BAZ1A: variants seen among roughly 807,000 people sequenced by gnomAD.
BAZ1A encodes bromodomain adjacent to zinc finger domain 1A, also known as bromodomain adjacent to zinc finger domain protein 1A.
BAZ1A carries 50 observed loss-of-function variants against 185.2 expected under a neutral mutation model. The ratio of observed to expected loss-of-function variants is 0.27; its 90% CI spans 0.22 to 0.34. The LOEUF is 0.34. Among genes scored for constraint, BAZ1A ranks in the 10% least tolerant of loss-of-function variants. The pLI, the probability that BAZ1A is intolerant of heterozygous loss-of-function variation, is 1.00. For synonymous variants in BAZ1A, 571 were observed against 615.6 expected, an observed-to-expected ratio of 0.93 and a Z score of 1.07; for missense variants, 1,356 against 1,839.9, an observed-to-expected ratio of 0.74 and a Z score of 4.81.
Position 34,874,710 on chromosome 14 carries a change from G to A in BAZ1A, c.-58-48C>T, listed in dbSNP as rs1325197479. ...AAAGCCGGTAAGGTGGGGAGCCCTC[G>A]GCGGCAGCGTGGGCCGGTCCGCGCG... On this transcript the variant is annotated intron_variant, in intron 1 of 26. Transcript: ENST00000360310. The surrounding 1 kb of genome is among the most constrained non-coding windows in gnomAD (Gnocchi z 4.7). 51 of 950,994 alleles carry A rather than the reference G, an allele frequency of 5.4e-5. No individual in the cohort carries two copies. The highest frequency in any genetic ancestry group is 7.0e-5 in the Non-Finnish European group (46 of 656,194). 58.9% of individuals were successfully genotyped at this position (950,994 alleles called of 1,614,324 possible).
intron 2 of BAZ1A, among the ~76,000 whole-genome samples, chr14:34,865,687 A>G (rs1466151481): frequency 1.3e-5 from 2 of 152,222 alleles, no homozygotes; most frequent in Non-Finnish European, 2.9e-5. Flanking sequence ...CTCTTAATTC[A>G]GTACAAAGAA....
chr14:34,776,527 A>G lies in BAZ1A; in HGVS notation c.2237-12T>C. 1 of 1,523,692 alleles carries G rather than the reference A, an allele frequency of 6.6e-7. No homozygotes were observed. Among genetic ancestry groups the G allele is most frequent in the Non-Finnish European group, 8.9e-7 (1 of 1,127,570 alleles). The allele number at this position is 1,523,692 out of a possible 1,614,324, so 94.4% of individuals were successfully genotyped here. A position where few individuals can be genotyped will look rare whatever the true frequency, so the allele number is the denominator to read the frequency against. ...TTGTCCTCTTTTCCCTGTAATTAAA[A>G]TAAAATGTTTCATCATCATCATATT... On this transcript the variant is annotated splice_polypyrimidine_tract_variant and intron_variant, in intron 17 of 26. Transcript: ENST00000360310.
rs1241971755 is a variant in BAZ1A, at chr14:34,856,773, G to A, written c.392+5271C>T. Among the ~76,000 whole-genome samples, 10 of 149,054 alleles carry A rather than the reference G, an allele frequency of 6.7e-5. No homozygotes were observed. In the East Asian group the frequency reaches 1.6e-3, roughly 25 times the overall value. On this transcript the variant is annotated intron_variant, in intron 3 of 26. Coordinates refer to ENST00000360310, the MANE Select transcript of BAZ1A (RefSeq NM_013448.3). ...CTCGGGAGGGTGAGGCAGGAGAATC[G>A]CCTGAACTCGGGAGGCAGAGGTTGC...
Position 34,784,255 on chromosome 14 carries a change from C to T in BAZ1A, c.1832-328G>A, listed in dbSNP as rs1227124182. 2.0e-5 allele frequency among the ~76,000 whole-genome samples: 3 copies of T among 148,912 alleles called. No individual in the cohort carries two copies. The East Asian group carries it at 6.3e-4, about 31-fold the overall frequency. ...TGGTGGTATGTGCCTGTAGTCCCAG[C>T]TGCTTGGGAGGCTGAGGTTGGAGAA... On this transcript the variant is annotated intron_variant, in intron 14 of 26. Coordinates refer to ENST00000360310, the MANE Select transcript of BAZ1A (RefSeq NM_013448.3).
intron 12 of BAZ1A, among the ~76,000 whole-genome samples, chr14:34,790,067 C>T (rs923006281): frequency 2.0e-5 from 3 of 151,926 alleles, no homozygotes; most frequent in Non-Finnish European, 4.4e-5. Context: ...TCTTCAGTAA[C>T]TATGTAAAAT....
chr14:34,818,657 T>C (rs537177488), intron 4 of BAZ1A, among the ~76,000 whole-genome samples: 68 of 152,252 alleles, frequency 4.5e-4, no homozygotes, highest in African/African-American at 1.3e-3. Flanking sequence ...AAGTTTTAAA[T>C]TGCATGTCGT....
At chr14:34,810,849 C>A in intron 5 of BAZ1A, 86 bp downstream of exon 5, 1 of 891,092 alleles carries the variant, frequency 1.1e-6, no homozygotes. Context: ...CACAGTACTT[C>A]CCATTTGTTC....
At chr14:34,754,701 A>G in intron 26 of BAZ1A, 126 bp downstream of exon 26, 1 of 599,340 alleles carries the variant, frequency 1.7e-6, no homozygotes, top group Non-Finnish European at 2.8e-6. Flanking sequence ...ACACAACTAC[A>G]TCAACACACA....
intron 4 of BAZ1A, among the ~76,000 whole-genome samples, chr14:34,812,839 A>G (rs2041948963): frequency 6.6e-6 from 1 of 152,220 alleles, no homozygotes; most frequent in South Asian, 2.1e-4. Context: ...AAACTAGAGT[A>G]TTTACCTACA....
intron 17 of BAZ1A, among the ~76,000 whole-genome samples, chr14:34,778,672 T>G (rs1879826747): frequency 6.6e-6 from 1 of 152,168 alleles, no homozygotes; most frequent in Admixed American, 6.5e-5. Flanking sequence ...ATTTTCAAAT[T>G]CATCAAAAAT....
chr14:34,803,591 T>C (rs1383159000), intron 6 of BAZ1A, among the ~76,000 whole-genome samples: 1 of 151,560 alleles, frequency 6.6e-6, no homozygotes, highest in Non-Finnish European at 1.5e-5. Context: ...ATATATATTA[T>C]ACAATAATTT....
chr14:34,853,228 TAGC>T (rs2042624066), intron 3 of BAZ1A, among the ~76,000 whole-genome samples: 1 of 152,204 alleles, frequency 6.6e-6, no homozygotes, highest in Admixed American at 6.5e-5. Flanking sequence ...TCTAAGGAAG[TAGC>T]AGAGAACAAA....
intron 12 of BAZ1A, among the ~76,000 whole-genome samples, chr14:34,791,968 T>TA (rs544108909): frequency 2.4e-3 from 359 of 152,346 alleles, no homozygotes; most frequent in African/African-American, 5.7e-3. Flanking sequence ...GTGCAGAACT[T>TA]AAAGGGCAAA....
At chr14:34,832,183 TATACATATAC>T (rs1391569686) in intron 3 of BAZ1A, among the ~76,000 whole-genome samples, 2 of 88,908 alleles carry the variant, frequency 2.2e-5, no homozygotes, top group African/African-American at 7.5e-5. Context: ...TATATACATA[TATACATATAC>T]ACACACACAC....
At chr14:34,788,346 C>T (rs1566562472) in intron 12 of BAZ1A, among the ~76,000 whole-genome samples, 1 of 152,088 alleles carries the variant, frequency 6.6e-6, no homozygotes, top group Non-Finnish European at 1.5e-5. Flanking sequence ...ATCTGTTGCC[C>T]AGGCTGGAGT....
intron 16 of BAZ1A, 24 bp from the exon 17 acceptor site, chr14:34,780,334 C>T (rs371747049): frequency 1.3e-6 from 2 of 1,589,882 alleles, no homozygotes; most frequent in African/African-American, 2.7e-5. Flanking sequence ...ACAAAGATGA[C>T]ATTTACTAAT....
chr14:34,754,123 G>A (rs1344354499), intron 26 of BAZ1A, among the ~76,000 whole-genome samples: 1 of 150,500 alleles, frequency 6.6e-6, no homozygotes, highest in Non-Finnish European at 1.5e-5. Flanking sequence ...GTGGTGGCGG[G>A]CATCTGTAAT....
intron 2 of BAZ1A, among the ~76,000 whole-genome samples, chr14:34,867,202 T>G (rs8007965): frequency 0.55 from 83,595 of 151,900 alleles, 23,983 homozygotes; most frequent in Non-Finnish European, 0.65. Flanking sequence ...GAGGTTGCAG[T>G]GAGCTGAGAT....
intron 5 of BAZ1A, among the ~76,000 whole-genome samples, chr14:34,808,764 C>T (rs1229310353): frequency 6.6e-6 from 1 of 151,962 alleles, no homozygotes; most frequent in Non-Finnish European, 1.5e-5. Flanking sequence ...CACAAGAGTA[C>T]CAAACACCAC....
Sources: allele counts gnomAD v4.1 joint callset (sites outside exome capture counted in the v4.1 genomes callset), GRCh38; gene constraint gnomAD v4.1.1; non-coding constraint Gnocchi (gnomAD v3.1); transcripts MANE v1.5; gene names NCBI Gene and HGNC (gene_info 2026-07-23, HGNC 2026-07-21).